Variants in ADGRL3 observed in about 807,000 individuals in gnomAD.
The protein encoded by ADGRL3 is calcium-independent alpha-latrotoxin receptor 3.
ADGRL3 carries 62 observed loss-of-function variants against 153.5 expected under a neutral mutation model. The ratio of observed to expected loss-of-function variants is 0.40; its 90% CI spans 0.33 to 0.50. The LOEUF (loss-of-function observed/expected upper bound fraction) is 0.50, where lower values mean the gene tolerates loss of function less well. Among genes scored for constraint, ADGRL3 ranks in the 20% least tolerant of loss-of-function variants. ADGRL3 has a pLI of 0.47. For missense variants in ADGRL3, 1,641 were observed against 1,859.4 expected (o/e 0.88, Z 2.16); for synonymous variants, 710 against 672.5 (o/e 1.06, Z -0.86).
chr4:61,358,106 T>C (rs554220874), intron 1 of ADGRL3, among the ~76,000 whole-genome samples: 1 of 152,314 alleles, frequency 6.6e-6, no homozygotes, highest in Admixed American at 6.5e-5. Flanking sequence ...ACCAAAGCTG[T>C]TGTTTTTCTG....
At chr4:61,960,655 A>G (rs924289056) in intron 17 of ADGRL3, among the ~76,000 whole-genome samples, 2 of 152,184 alleles carry the variant, frequency 1.3e-5, no homozygotes, top group African/African-American at 4.8e-5. Flanking sequence ...CAGATCCTAA[A>G]TGATGTAATG....
At chr4:61,413,210 C>T (rs1446109516) in intron 2 of ADGRL3, among the ~76,000 whole-genome samples, 1 of 152,154 alleles carries the variant, frequency 6.6e-6, no homozygotes, top group African/African-American at 2.4e-5. Flanking sequence ...CACTAGGCCT[C>T]TACTGATGCT....
chr4:61,856,529 C>T (rs1311529580), intron 9 of ADGRL3, among the ~76,000 whole-genome samples: 2 of 145,372 alleles, frequency 1.4e-5, no homozygotes, highest in Non-Finnish European at 3.0e-5. Flanking sequence ...TCATTCCTCC[C>T]TCTTTTCCTC....
intron 1 of ADGRL3, among the ~76,000 whole-genome samples, chr4:61,276,009 T>C (rs764227722): frequency 1.3e-5 from 2 of 152,112 alleles, no homozygotes; most frequent in Non-Finnish European, 2.9e-5. Context: ...TCAGAGTTCA[T>C]GATATAAGGG....
intron 4 of ADGRL3, among the ~76,000 whole-genome samples, chr4:61,554,364 T>G (rs1034146672): frequency 6.6e-6 from 1 of 151,902 alleles, no homozygotes; most frequent in African/African-American, 2.4e-5. Context: ...TAGCTAATTT[T>G]TTTGTATTTT....
rs200025301 is a variant in ADGRL3 at position 61,458,638 on chromosome 4, A to C, written c.-173-38483A>C. 3.3e-5 allele frequency among the ~76,000 whole-genome samples: 5 copies of C among 151,644 alleles called. No individual in the cohort carries two copies. The East Asian group carries it at 9.6e-4, about 29-fold the overall frequency. On this transcript the variant is annotated intron_variant, in intron 2 of 26. Coordinates refer to ENST00000683033, the MANE Select transcript of ADGRL3 (RefSeq NM_001387552.1). The stretch of plus-strand genomic sequence containing the variant: ...TTATTGTAACTCTTAAATAACAAAA[A>C]TATAATGCTTTCTTGCCAAGAAACT...
At chr4:61,337,091 G>A (rs1399425514) in intron 1 of ADGRL3, among the ~76,000 whole-genome samples, 1 of 151,954 alleles carries the variant, frequency 6.6e-6, no homozygotes, top group Non-Finnish European at 1.5e-5. Flanking sequence ...CTGGCAGGTG[G>A]CCACATTGAT....
intron 9 of ADGRL3, among the ~76,000 whole-genome samples, chr4:61,845,531 CTTT>C (rs77188989): frequency 1.4e-5 from 2 of 139,338 alleles, no homozygotes; most frequent in Admixed American, 7.3e-5. Flanking sequence ...TAATTTTTTT[CTTT>C]TTTTTTTTTT....
In ADGRL3 at chr4:62,077,985, G is replaced by C. The variant is rs893050790; in HGVS notation, c.*7077G>C. The C allele has an allele frequency of 2.6e-5, 4 of 151,806 alleles. No individual in the cohort carries two copies. The highest frequency in any genetic ancestry group is 5.9e-5 in the Non-Finnish European group (4 of 67,860). The allele number at this position is 151,806 out of a possible 1,614,324, so 9.4% of individuals were successfully genotyped here. ...GCATTGGAAGTGGATGGATAACTTG[G>C]AACTTTTTCCATACTGTTTTCCCCC... On this transcript the variant is annotated 3_prime_UTR_variant, in exon 27 of 27. Coordinates refer to ENST00000683033, the MANE Select transcript of ADGRL3 (RefSeq NM_001387552.1).
chr4:61,393,936 C>A (rs2096841650), intron 2 of ADGRL3, among the ~76,000 whole-genome samples: 1 of 152,024 alleles, frequency 6.6e-6, no homozygotes, highest in Non-Finnish European at 1.5e-5. Context: ...GTTGGGGCTA[C>A]AGAAACATGT....
chr4:61,741,499 C>G (rs1580547204), intron 8 of ADGRL3, among the ~76,000 whole-genome samples: 1 of 152,330 alleles, frequency 6.6e-6, no homozygotes, highest in East Asian at 1.9e-4. Flanking sequence ...CTTGCAGTGA[C>G]AGCTGCTGCC....
chr4:61,637,892 A>T (rs1303677153), intron 5 of ADGRL3, among the ~76,000 whole-genome samples: 2 of 152,236 alleles, frequency 1.3e-5, no homozygotes, highest in Non-Finnish European at 2.9e-5. Flanking sequence ...GAATTCAAAT[A>T]CCTGGATAGT....
chr4:61,215,210 T>G (rs1742090985), intron 1 of ADGRL3, among the ~76,000 whole-genome samples: 1 of 152,188 alleles, frequency 6.6e-6, no homozygotes, highest in Non-Finnish European at 1.5e-5. Context: ...AGTATCAATA[T>G]TTTGTTTAAA....
At chr4:61,650,939 C>A (rs897724228) in intron 5 of ADGRL3, among the ~76,000 whole-genome samples, 1 of 152,108 alleles carries the variant, frequency 6.6e-6, no homozygotes. Context: ...GGAAGGATAT[C>A]TTTTGAATGT....
At chr4:61,645,922 C>G (rs1425358254) in intron 5 of ADGRL3, among the ~76,000 whole-genome samples, 4 of 152,200 alleles carry the variant, frequency 2.6e-5, no homozygotes, top group Non-Finnish European at 5.9e-5. Context: ...TTCAGGTACA[C>G]CAATCAGACA....
At chr4:61,531,664 T>TA (rs1479708486) in intron 4 of ADGRL3, among the ~76,000 whole-genome samples, 1 of 152,120 alleles carries the variant, frequency 6.6e-6, no homozygotes, top group Non-Finnish European at 1.5e-5. Flanking sequence ...AATGAATAGA[T>TA]AAAATATAAG....
chr4:61,432,853 A>T (rs1259570928), intron 2 of ADGRL3, among the ~76,000 whole-genome samples: 1 of 151,322 alleles, frequency 6.6e-6, no homozygotes, highest in Admixed American at 6.6e-5. Flanking sequence ...GGGTTTCTCC[A>T]TGTTGGTCAG....
At chr4:61,354,308 T>C (rs1202988586) in intron 1 of ADGRL3, among the ~76,000 whole-genome samples, 2 of 152,196 alleles carry the variant, frequency 1.3e-5, no homozygotes, top group African/African-American at 4.8e-5. Context: ...TAAACTATAT[T>C]GCTTCTCTAG....
At chr4:62,048,065 C>T (rs955514095) in intron 25 of ADGRL3, among the ~76,000 whole-genome samples, 14 of 152,022 alleles carry the variant, frequency 9.2e-5, no homozygotes, top group Non-Finnish European at 1.6e-4. Flanking sequence ...AAGGTGTAGT[C>T]AGCACTCAAT....
Sources: gnomAD v4.1 joint callset for allele counts (sites outside exome capture counted in the v4.1 genomes callset) on GRCh38, gnomAD v4.1.1 for gene constraint, MANE v1.5 for transcripts, NCBI Gene and HGNC (gene_info 2026-07-23, HGNC 2026-07-21) for gene names.